The following ADGRG6 variants were observed in gnomAD, a reference collection of about 807,000 sequenced individuals.
ADGRG6 encodes adhesion G protein-coupled receptor G6, also known as G-protein coupled receptor 126.
Under a neutral mutation model 142.4 loss-of-function variants are expected in ADGRG6, and 84 were observed. That is an observed-to-expected ratio of 0.59 (90% CI 0.49 to 0.71). The LOEUF (loss-of-function observed/expected upper bound fraction) is 0.71, where lower values mean the gene tolerates loss of function less well. ADGRG6 is among the 30% of genes least tolerant of loss of function. The pLI is 0.00. For missense variants in ADGRG6, 1,367 were observed against 1,466.6 expected (o/e 0.93, Z 1.11); for synonymous variants, 521 against 520.5 (o/e 1.00, Z -0.01).
intron 4 of ADGRG6, among the ~76,000 whole-genome samples, chr6:142,379,857 C>A (rs1054093882): frequency 6.6e-6 from 1 of 152,152 alleles, no homozygotes; most frequent in Non-Finnish European, 1.5e-5. Flanking sequence ...GTTTATTTTT[C>A]CGAAGTTAAG....
At chr6:142,361,777 G>A (rs975388165) in intron 2 of ADGRG6, among the ~76,000 whole-genome samples, 1 of 151,506 alleles carries the variant, frequency 6.6e-6, no homozygotes, top group Non-Finnish European at 1.5e-5. Flanking sequence ...TGCAGTTTAT[G>A]TTGTTTCAAA....
chr6:142,317,275 T>G (rs1778130335), intron 2 of ADGRG6, among the ~76,000 whole-genome samples: 3 of 152,106 alleles, frequency 2.0e-5, no homozygotes. Context: ...GAAAGTTCTC[T>G]TTGAATTTTA....
intron 2 of ADGRG6, among the ~76,000 whole-genome samples, chr6:142,321,340 A>C (rs1778506624): frequency 6.6e-6 from 1 of 151,460 alleles, no homozygotes; most frequent in Admixed American, 6.6e-5. Flanking sequence ...TAATAATTAT[A>C]TTATTGGGTA....
chr6:142,374,818 G>T (rs1222063576), intron 4 of ADGRG6, among the ~76,000 whole-genome samples: 2 of 152,048 alleles, frequency 1.3e-5, no homozygotes, highest in Non-Finnish European at 2.9e-5. Context: ...TGTGTTTATG[G>T]TATACAACAT....
chr6:142,434,050 C>G (rs1367093443), intron 22 of ADGRG6, among the ~76,000 whole-genome samples: 1 of 151,090 alleles, frequency 6.6e-6, no homozygotes, highest in Admixed American at 6.6e-5. Flanking sequence ...AAGAATCTGT[C>G]TCTTAAAAAA....
intron 2 of ADGRG6, among the ~76,000 whole-genome samples, chr6:142,352,162 C>T (rs745688070): frequency 1.1e-4 from 17 of 152,124 alleles, no homozygotes; most frequent in Non-Finnish European, 1.9e-4. Flanking sequence ...GACACCTGCA[C>T]ATGTATGTTC....
At chr6:142,338,133 G>A (rs1043730919) in intron 2 of ADGRG6, among the ~76,000 whole-genome samples, 4 of 146,326 alleles carry the variant, frequency 2.7e-5, no homozygotes, top group Non-Finnish European at 6.0e-5. Context: ...CCATTCTCCT[G>A]CCTCAGCCTC....
chr6:142,385,614 A>G (rs1182491392), intron 6 of ADGRG6, among the ~76,000 whole-genome samples: 1 of 152,206 alleles, frequency 6.6e-6, no homozygotes, highest in Non-Finnish European at 1.5e-5. Context: ...TAAAAAGTGA[A>G]TATAAATATA....
Position 142,415,024 on chromosome 6 carries a change from T to C in ADGRG6, c.2597T>C (p.Phe866Ser). 6.2e-7 allele frequency: 1 copy of C among 1,611,394 alleles called. No homozygotes were observed. The highest frequency in any genetic ancestry group is 8.5e-7 in the Non-Finnish European group (1 of 1,178,396). The change falls in exon 19 of 25, where the codon TTC becomes TCC. Residue 866 changes from phenylalanine (F) to serine (S), a missense_variant. Physicochemically the swap from Phe to Ser is radical, Grantham distance 155. Around this residue, in one of 3 missense-constraint regions of ADGRG6, gnomAD observed 286 missense variants for 371.4 expected, o/e 0.77. Transcript: ENST00000367609. ...LDARNTKVLTFISYIGCGISA... is the reference protein window; with the variant it reads ...LDARNTKVLTSISYIGCGISA... ...GCAAGAAACACTAAAGTCCTCACTTTCATCAGCTATATTGGGTGTGGAATA... is the reference window on the plus strand; with the variant it reads ...GCAAGAAACACTAAAGTCCTCACTTCCATCAGCTATATTGGGTGTGGAATA...
intron 16 of ADGRG6, among the ~76,000 whole-genome samples, 197 bp downstream of exon 16, chr6:142,408,466 A>T (rs1286680425): frequency 6.6e-6 from 1 of 152,130 alleles, no homozygotes; most frequent in Non-Finnish European, 1.5e-5. Flanking sequence ...GGTTAGTCTT[A>T]TCTAGGACTC....
chr6:142,423,860 T>C (rs1776796110), intron 22 of ADGRG6, among the ~76,000 whole-genome samples: 1 of 142,526 alleles, frequency 7.0e-6, no homozygotes, highest in African/African-American at 2.7e-5. Context: ...CAGTGGTTTG[T>C]AGTTCTCCTT....
rs373361637 is a variant in ADGRG6 at position 142,416,032 on chromosome 6, G to A, written c.2906G>A (p.Arg969Gln). ...LVKVFNTYIR[R>Q]YILKFCIIGW... ...AAAGTATTTAACACTTACATTCGCC[G>A]ATACATTCTAAAATTCTGCATCATT... Residue 969 changes from arginine to glutamine, a missense_variant, in exon 20 of 25, where the codon CGA (arginine) becomes CAA (glutamine). Physicochemically the swap from Arg to Gln is conservative, Grantham distance 43. Transcript: ENST00000367609. 4.9e-5 allele frequency: 79 copies of A among 1,612,538 alleles called. No individual in the cohort carries two copies. The Middle Eastern group carries it at 4.9e-4, about 10-fold the overall frequency.
In ADGRG6 at chr6:142,398,763, T is replaced by TCAC. The variant is rs1775340036; in HGVS notation, c.1567+1009_1567+1011dup. On this transcript the variant is annotated intron_variant, in intron 10 of 24. Transcript: ENST00000367609. The stretch of plus-strand genomic sequence containing the variant: ...CCTTTTCTGAAATAAAGTATAGACA[T>TCAC]CACTGCCTTTGAGCCTCTACTTCAT... Among the ~76,000 whole-genome samples, 3 of 152,166 alleles carry TCAC rather than the reference T, an allele frequency of 2.0e-5. No homozygotes were observed. The South Asian group carries it at 6.2e-4, about 32-fold the overall frequency.
chr6:142,376,802 C>T (rs561337780), intron 4 of ADGRG6, among the ~76,000 whole-genome samples: 6 of 152,196 alleles, frequency 3.9e-5, no homozygotes, highest in African/African-American at 1.4e-4. Flanking sequence ...AAAAATTCAT[C>T]TTAGTAGCAA....
chr6:142,366,116 G>A (rs1780932210), intron 2 of ADGRG6, among the ~76,000 whole-genome samples: 1 of 152,192 alleles, frequency 6.6e-6, no homozygotes, highest in African/African-American at 2.4e-5. Flanking sequence ...CAGGAAGATA[G>A]TAGACCTTGG....
chr6:142,348,484 C>T (rs1172150947), intron 2 of ADGRG6, among the ~76,000 whole-genome samples: 2 of 152,066 alleles, frequency 1.3e-5, no homozygotes, highest in African/African-American at 4.8e-5. Flanking sequence ...AAAAAGTATC[C>T]CTCCTCTGTT....
chr6:142,356,297 T>C (rs1249994863), intron 2 of ADGRG6, among the ~76,000 whole-genome samples: 1 of 152,204 alleles, frequency 6.6e-6, no homozygotes, highest in African/African-American at 2.4e-5. Flanking sequence ...CAAAGCTTGC[T>C]CTATAATTCT....
intron 2 of ADGRG6, among the ~76,000 whole-genome samples, chr6:142,336,957 G>C (rs971613887): frequency 6.6e-6 from 1 of 152,216 alleles, no homozygotes; most frequent in Non-Finnish European, 1.5e-5. Flanking sequence ...TGATATTGAG[G>C]TGTGCAAGTG....
intron 16 of ADGRG6, among the ~76,000 whole-genome samples, chr6:142,409,295 G>A (rs1775967179): frequency 6.6e-6 from 1 of 152,074 alleles, no homozygotes; most frequent in African/African-American, 2.4e-5. Context: ...TTATTTCATA[G>A]CACAGTGTCT....
Sources: allele counts gnomAD v4.1 joint callset (sites outside exome capture counted in the v4.1 genomes callset), GRCh38; gene constraint gnomAD v4.1.1; regional missense constraint gnomAD v4.1.1; transcripts MANE v1.5; gene names NCBI Gene and HGNC (gene_info 2026-07-23, HGNC 2026-07-21).